ANKDD1B: variants seen among roughly 807,000 people sequenced by gnomAD.
ANKDD1B encodes ankyrin repeat and death domain containing 1B, also known as ankyrin repeat and death domain-containing protein 1B.
ANKDD1B carries 57 observed loss-of-function variants against 59.7 expected under a neutral mutation model. That is an observed-to-expected ratio of 0.95 (90% CI 0.77 to 1.19). ANKDD1B has a LOEUF of 1.19. Among genes scored for constraint, ANKDD1B ranks in the 50% most tolerant of loss-of-function variants. ANKDD1B has a pLI of 0.00. For missense variants in ANKDD1B, 602 were observed against 641.9 expected, an observed-to-expected ratio of 0.94 and a Z score of 0.67; for synonymous variants, 216 against 239.5, an observed-to-expected ratio of 0.90 and a Z score of 0.91.
intron 7 of ANKDD1B, among the ~76,000 whole-genome samples, chr5:75,643,298 T>C (rs1251875040): frequency 9.7e-5 from 5 of 51,494 alleles, no homozygotes; most frequent in East Asian, 5.4e-4. Flanking sequence ...CAAATTACTC[T>C]GAGCTACGGG....
chr5:75,611,608 C>G lies in ANKDD1B; in HGVS notation c.-27C>G. 1 of 1,230,794 alleles carries G rather than the reference C, an allele frequency of 8.1e-7. No individual in the cohort carries two copies. 76.2% of individuals were successfully genotyped at this position (1,230,794 alleles called of 1,614,324 possible). On this transcript the variant is annotated 5_prime_UTR_variant, in exon 1 of 14. Transcript: ENST00000601380. ...TCTGGGTCCGAGTCTGGGTCTGGCCCTGCGCTCAGGGCCCGCGGAGGAGAC... is the reference window on the plus strand; with the variant it reads ...TCTGGGTCCGAGTCTGGGTCTGGCCGTGCGCTCAGGGCCCGCGGAGGAGAC...
At chr5:75,625,420 T>C (rs74450681) in intron 3 of ANKDD1B, among the ~76,000 whole-genome samples, 2,015 of 152,320 alleles carry the variant, frequency 0.013, 12 homozygotes, top group Non-Finnish European at 0.021. Context: ...TGGTATGATA[T>C]AGCTTTTCAT....
chr5:75,617,197 G>A (rs1029872057), intron 2 of ANKDD1B, among the ~76,000 whole-genome samples: 16 of 152,098 alleles, frequency 1.1e-4, no homozygotes, highest in South Asian at 2.1e-4. Context: ...TTGCAGGCCC[G>A]GACTTGGTCC....
chr5:75,658,046 TA>T (rs775615583), intron 9 of ANKDD1B, among the ~76,000 whole-genome samples: 565 of 135,820 alleles, frequency 4.2e-3, no homozygotes, highest in Admixed American at 4.5e-3. Flanking sequence ...GCCTCATCGC[TA>T]AAAAAAAAAA....
intron 5 of ANKDD1B, 103 bp downstream of exon 5, chr5:75,626,058 C>A: frequency 2.5e-6 from 2 of 806,714 alleles, no homozygotes; most frequent in Non-Finnish European, 4.0e-6. Flanking sequence ...CAGACAGACC[C>A]GGCCCTGTAG....
At chr5:75,656,871 G>T (rs924421469) in intron 9 of ANKDD1B, among the ~76,000 whole-genome samples, 2 of 152,226 alleles carry the variant, frequency 1.3e-5, no homozygotes, top group Non-Finnish European at 2.9e-5. Flanking sequence ...GGTGCAGTGG[G>T]CATGCCTGCC....
At position 75,666,932 on chromosome 5, in the gene ANKDD1B, G is replaced by A; in HGVS notation, c.1332G>A (p.Arg444=). 2 of 1,526,536 alleles carry A rather than the reference G, an allele frequency of 1.3e-6. No homozygotes were observed. The highest frequency in any genetic ancestry group is 1.8e-6 in the Non-Finnish European group (2 of 1,142,844). 94.6% of individuals were successfully genotyped at this position (1,526,536 alleles called of 1,614,324 possible). The part of the protein sequence containing the change: ...YHQLKANEWQ[R]LARSWNFTDD... ...AGCTGAAGGCCAATGAGTGGCAGAG[G>A]CTGGCCCGTTCGTGGAACTTTACAG... Residue 444 remains arginine (R), a synonymous_variant, in exon 12 of 14, where the codon AGG becomes AGA. Transcript: ENST00000601380.
At position 75,653,574 on chromosome 5, in the gene ANKDD1B, C is replaced by T. The variant is rs532470919; in HGVS notation, c.897+334C>T. Among the ~76,000 whole-genome samples the T allele has an allele frequency of 2.6e-5, 4 of 152,306 alleles. No homozygotes were observed. The South Asian group carries it at 8.3e-4, about 32-fold the overall frequency. On this transcript the variant is annotated intron_variant, in intron 8 of 13. Coordinates refer to ENST00000601380, the MANE Select transcript of ANKDD1B (RefSeq NM_001276713.2). ...TTAGTCTGGGAAAATAATGAAGCAG[C>T]TGTACATATCAAGAAGAGTGATAAT...
In ANKDD1B at chr5:75,671,176, A is replaced by C. The variant is rs1463424029; in HGVS notation, c.*136A>C. On this transcript the variant is annotated 3_prime_UTR_variant, in exon 14 of 14. Transcript: ENST00000601380. ...ACAGGGAACTCTAACAGATGAAAGA[A>C]GAGTAATACCATGATACTTTTCAAC... The C allele has an allele frequency of 1.2e-5, 5 of 404,436 alleles. No individual in the cohort carries two copies. Among genetic ancestry groups the C allele is most frequent in the African/African-American group, 2.1e-5 (1 of 48,648 alleles). 25.1% of individuals were successfully genotyped at this position (404,436 alleles called of 1,614,324 possible). A position where few individuals can be genotyped will look rare whatever the true frequency, so the allele number is the denominator to read the frequency against.
chr5:75,652,357 A>AAACAATT (rs1774855813), intron 7 of ANKDD1B, among the ~76,000 whole-genome samples: 1 of 152,214 alleles, frequency 6.6e-6, no homozygotes, highest in Non-Finnish European at 1.5e-5. Flanking sequence ...ACTTAGAAAA[A>AAACAATT]AACAATTAGG....
At chr5:75,629,266 CT>C (rs879700434) in intron 5 of ANKDD1B, among the ~76,000 whole-genome samples, 266 of 145,814 alleles carry the variant, frequency 1.8e-3, no homozygotes, top group Middle Eastern at 3.5e-3. Context: ...TAACACACTG[CT>C]TTTTTTTTTT....
intron 12 of ANKDD1B, among the ~76,000 whole-genome samples, chr5:75,668,047 T>A (rs559316231): frequency 6.6e-6 from 1 of 152,342 alleles, no homozygotes; most frequent in African/African-American, 2.4e-5. Context: ...ATTAGGCTTA[T>A]AGTGTTCTGT....
At chr5:75,627,169 GT>G (rs1774016515) in intron 5 of ANKDD1B, among the ~76,000 whole-genome samples, 2 of 152,288 alleles carry the variant, frequency 1.3e-5, no homozygotes, top group Admixed American at 1.3e-4. Flanking sequence ...TAGCTGTGTG[GT>G]TTTAAGCAAG....
At chr5:75,654,015 C>G (rs766963601) in intron 8 of ANKDD1B, among the ~76,000 whole-genome samples, 1 of 152,226 alleles carries the variant, frequency 6.6e-6, no homozygotes, top group Non-Finnish European at 1.5e-5. Flanking sequence ...GATGCTTTCT[C>G]GTTTTTCATG....
At chr5:75,661,396 GAAAAAAAAAAAAAAA>G (rs11357068) in intron 10 of ANKDD1B, among the ~76,000 whole-genome samples, 36 of 36,816 alleles carry the variant, frequency 9.8e-4, no homozygotes, top group Non-Finnish European at 1.4e-3. Flanking sequence ...AACTCCGTCT[GAAAAAAAAAAAAAAA>G]AAAAAAAAAA....
intron 5 of ANKDD1B, among the ~76,000 whole-genome samples, chr5:75,630,581 T>C (rs1482746612): frequency 2.0e-5 from 3 of 152,260 alleles, no homozygotes; most frequent in Non-Finnish European, 4.4e-5. Flanking sequence ...AATGCAAAGC[T>C]TTGTAGCAAC....
In ANKDD1B at chr5:75,669,303, A is replaced by C; in HGVS notation, c.1445A>C (p.His482Pro). ...CACAGGGCTCTGCTTATCTGGCTAC[A>C]CGGGACCCTGATGACTCAGGGTGAC... Reference protein sequence around the residue: ...HGHRALLIWLHGTLMTQGDPA... With the variant: ...HGHRALLIWLPGTLMTQGDPA... The change falls in exon 13 of 14, where the codon CAC becomes CCC. Residue 482 changes from histidine (H) to proline (P), a missense_variant. Around this residue, in one of 3 missense-constraint regions of ANKDD1B, gnomAD observed 280 missense variants for 319.8 expected, o/e 0.88. Transcript: ENST00000601380. The C allele has an allele frequency of 3.2e-6, 4 of 1,232,128 alleles. No homozygotes were observed. The highest frequency in any genetic ancestry group is 4.0e-6 in the Non-Finnish European group (4 of 987,934). 76.3% of individuals were successfully genotyped at this position (1,232,128 alleles called of 1,614,324 possible).
chr5:75,666,446 G>C (rs1384303683), intron 11 of ANKDD1B, among the ~76,000 whole-genome samples: 3 of 152,090 alleles, frequency 2.0e-5, no homozygotes, highest in African/African-American at 7.2e-5. Flanking sequence ...GGGGGTATGG[G>C]TTCAAACAAA....
chr5:75,613,251 G>A (rs1227546916), intron 1 of ANKDD1B, among the ~76,000 whole-genome samples: 1 of 152,210 alleles, frequency 6.6e-6, no homozygotes, highest in Non-Finnish European at 1.5e-5. Flanking sequence ...TGCAGCAGCA[G>A]TTGGAAAGGA....
Sources: gnomAD v4.1 joint callset for allele counts (sites outside exome capture counted in the v4.1 genomes callset) on GRCh38, gnomAD v4.1.1 for gene constraint, gnomAD v4.1.1 regional missense constraint, MANE v1.5 for transcripts, NCBI Gene and HGNC (gene_info 2026-07-23, HGNC 2026-07-21) for gene names.